The following PRKCE variants were observed in gnomAD, a reference collection of about 807,000 sequenced individuals.
PRKCE encodes the protein protein kinase C epsilon type.
In PRKCE, 16 loss-of-function variants were observed where a neutral mutation model predicts 85.4. The ratio of observed to expected loss-of-function variants is 0.19; its 90% CI spans 0.13 to 0.28. PRKCE has a LOEUF of 0.28. PRKCE is among the 10% of genes least tolerant of loss of function. The pLI is 1.00. For synonymous variants in PRKCE, 388 were observed against 371.5 expected (o/e 1.04, Z -0.51); for missense variants, 573 against 975.2 (o/e 0.59, Z 5.49).
In PRKCE at chr2:45,932,012, C is replaced by T. The variant is rs145788162; in HGVS notation, c.413-44417C>T. ...GATTACAGGCGTGAGCCACCACACC[C>T]GGCCACATACTGAATTTTTAAGATG... On this transcript the variant is annotated intron_variant, in intron 2 of 14. Coordinates refer to ENST00000306156, the MANE Select transcript of PRKCE (RefSeq NM_005400.3). 8.4e-3 allele frequency among the ~76,000 whole-genome samples: 1,282 copies of T among 152,290 alleles called. 22 individuals carry two copies. The highest frequency in any genetic ancestry group is 0.029 in the African/African-American group (1,207 of 41,568).
At chr2:46,035,636 G>C (rs1353617569) in intron 10 of PRKCE, among the ~76,000 whole-genome samples, 18 of 152,190 alleles carry the variant, frequency 1.2e-4, no homozygotes, top group Non-Finnish European at 1.2e-4. Context: ...TCATGTATTT[G>C]GCATATGCCA....
In PRKCE at chr2:46,164,480, C is replaced by T. The variant is rs112089000; in HGVS notation, c.2067+4728C>T. On this transcript the variant is annotated intron_variant, in intron 14 of 14. Coordinates refer to ENST00000306156, the MANE Select transcript of PRKCE (RefSeq NM_005400.3). Reference sequence around the variant, plus strand: ...TTTCCTCTGTCGTGTGTTACCTCCACTTGCTTCCAAGCCATGCCCTTTTGG... The same window carrying T: ...TTTCCTCTGTCGTGTGTTACCTCCATTTGCTTCCAAGCCATGCCCTTTTGG... Among the ~76,000 whole-genome samples the T allele has an allele frequency of 9.4e-3, 1,439 of 152,344 alleles. 14 individuals carry two copies. Among genetic ancestry groups the T allele is most frequent in the South Asian group, 0.026 (123 of 4,822 alleles).
rs181091960 is a variant in PRKCE, at chr2:45,698,997, C to G, written c.348+46549C>G. Among the ~76,000 whole-genome samples the G allele has an allele frequency of 1.5e-4, 23 of 152,244 alleles. No homozygotes were observed. The East Asian group carries it at 4.4e-3, about 29-fold the overall frequency. On this transcript the variant is annotated intron_variant, in intron 1 of 14. Transcript: ENST00000306156. ...TACATCTTGTCATCTTGTTTTAAGA[C>G]TCTTTATAAACTAGCCCCTAGTTTT...
chr2:46,068,926 A>G lies in PRKCE; in HGVS notation c.1438-17282A>G, dbSNP rs1667845380. ...GTGATCCCTAGACTAGCAGCATTGC[A>G]TTACCTGGGAGCCTCTTAGAAATGC... On this transcript the variant is annotated intron_variant, in intron 10 of 14. Transcript: ENST00000306156. This position sits in a 1 kb window ranked among gnomAD's most constrained non-coding sequence, Gnocchi z 4.3. Among the ~76,000 whole-genome samples, 1 of 152,260 alleles carries G rather than the reference A, an allele frequency of 6.6e-6. No individual in the cohort carries two copies. Among genetic ancestry groups the G allele is most frequent in the Admixed American group, 6.5e-5 (1 of 15,290 alleles).
At chr2:45,725,884 A>G (rs574946212) in intron 1 of PRKCE, among the ~76,000 whole-genome samples, 16 of 152,166 alleles carry the variant, frequency 1.1e-4, no homozygotes, top group African/African-American at 3.4e-4. Flanking sequence ...TTCATGATGC[A>G]TGGGAGGAGG....
chr2:45,778,392 G>C (rs1162090270), intron 1 of PRKCE, among the ~76,000 whole-genome samples: 1 of 152,152 alleles, frequency 6.6e-6, no homozygotes, highest in Non-Finnish European at 1.5e-5. Flanking sequence ...TGCTCTGGGA[G>C]ACCCTGATGG....
At chr2:45,758,224 C>T (rs980791436) in intron 1 of PRKCE, among the ~76,000 whole-genome samples, 2 of 152,172 alleles carry the variant, frequency 1.3e-5, no homozygotes, top group Non-Finnish European at 2.9e-5. Context: ...GTTTTTCCAT[C>T]TGTGAAATGG....
chr2:45,728,443 A>G (rs569738762), intron 1 of PRKCE, among the ~76,000 whole-genome samples: 91 of 152,268 alleles, frequency 6.0e-4, no homozygotes, highest in African/African-American at 2.0e-3. Context: ...CCTTCCCCCA[A>G]TAGTCCCATG....
At chr2:45,932,752 C>T (rs1164236339) in intron 2 of PRKCE, among the ~76,000 whole-genome samples, 1 of 152,144 alleles carries the variant, frequency 6.6e-6, no homozygotes, top group Non-Finnish European at 1.5e-5. Context: ...TTCGTCTTTC[C>T]AAGTTGAAAT....
chr2:46,092,028 G>A (rs1670213738), intron 11 of PRKCE, among the ~76,000 whole-genome samples: 1 of 152,186 alleles, frequency 6.6e-6, no homozygotes, highest in East Asian at 1.9e-4. Context: ...CTACCCAGGG[G>A]TAAACAGTTT....
intron 14 of PRKCE, among the ~76,000 whole-genome samples, chr2:46,175,723 T>C (rs1261073617): frequency 6.6e-6 from 1 of 152,154 alleles, no homozygotes; most frequent in Non-Finnish European, 1.5e-5. Flanking sequence ...AGTTCTCAGA[T>C]GTCCTGATTT....
chr2:46,061,170 C>T (rs1454809385), intron 10 of PRKCE, among the ~76,000 whole-genome samples: 6 of 134,382 alleles, frequency 4.5e-5, no homozygotes, highest in Non-Finnish European at 9.1e-5. Context: ...AATGCAGTGG[C>T]ATGATCAGGG....
intron 2 of PRKCE, among the ~76,000 whole-genome samples, chr2:45,930,922 G>A (rs1212210038): frequency 1.3e-5 from 2 of 152,142 alleles, no homozygotes; most frequent in Admixed American, 1.3e-4. Flanking sequence ...ATTGTATGCC[G>A]GGTTTAGGAG....
chr2:46,171,427 C>A (rs281479), intron 14 of PRKCE, among the ~76,000 whole-genome samples: 10,592 of 152,304 alleles, frequency 0.07, 384 homozygotes, highest in Middle Eastern at 0.15. Flanking sequence ...TTGACAGAAA[C>A]CATTGAACTG....
intron 2 of PRKCE, among the ~76,000 whole-genome samples, chr2:45,897,658 T>C (rs938853350): frequency 6.6e-6 from 1 of 152,200 alleles, no homozygotes; most frequent in East Asian, 1.9e-4. Flanking sequence ...GTGGCTTTCA[T>C]GACAGAGATT....
In PRKCE at chr2:46,110,570, G is replaced by A. The variant is rs114797892; in HGVS notation, c.1592+24208G>A. 8.8e-3 allele frequency among the ~76,000 whole-genome samples: 1,321 copies of A among 149,960 alleles called. 30 individuals are homozygous for A. The highest frequency in any genetic ancestry group is 0.03 in the African/African-American group (1,237 of 41,072). ...TACATTTCTTATATTGGTTATTAGC[G>A]TCTTCTCTCTTTTTCTGGGCTAGCC... On this transcript the variant is annotated intron_variant, in intron 11 of 14. Coordinates refer to ENST00000306156, the MANE Select transcript of PRKCE (RefSeq NM_005400.3).
At chr2:45,917,766 C>T (rs1212342791) in intron 2 of PRKCE, among the ~76,000 whole-genome samples, 1 of 152,196 alleles carries the variant, frequency 6.6e-6, no homozygotes, top group African/African-American at 2.4e-5. Context: ...AGCTCACGGT[C>T]GGGGGTGGGA....
intron 2 of PRKCE, among the ~76,000 whole-genome samples, chr2:45,922,439 G>T (rs1167267861): frequency 6.6e-6 from 1 of 152,188 alleles, no homozygotes; most frequent in East Asian, 1.9e-4. Context: ...GGACACAGGA[G>T]TCAGAAGCAA....
intron 10 of PRKCE, among the ~76,000 whole-genome samples, chr2:46,054,535 C>T (rs139373969): frequency 6.6e-6 from 1 of 152,194 alleles, no homozygotes; most frequent in East Asian, 1.9e-4. Context: ...AAAAAATCTT[C>T]CATTCTTAGG....
Sources: gnomAD v4.1 joint callset for allele counts (sites outside exome capture counted in the v4.1 genomes callset) on GRCh38, gnomAD v4.1.1 for gene constraint, Gnocchi (gnomAD v3.1) non-coding constraint, MANE v1.5 for transcripts, NCBI Gene and HGNC (gene_info 2026-07-23, HGNC 2026-07-21) for gene names.